KRT1: variants seen among roughly 807,000 people sequenced by gnomAD.
KRT1 encodes the protein keratin 1.
In KRT1, 28 loss-of-function variants were observed where a neutral mutation model predicts 51.6. The observed-to-expected ratio is 0.54, with a 90% CI of 0.40 to 0.74. The LOEUF (loss-of-function observed/expected upper bound fraction) is 0.74, where lower values mean the gene tolerates loss of function less well. Ranked by LOEUF, KRT1 falls within the 30% of genes least tolerant of loss-of-function variation. The pLI is 0.00. For missense variants in KRT1, 783 were observed against 815.5 expected, an observed-to-expected ratio of 0.96 and a Z score of 0.49; for synonymous variants, 301 against 307.7, an observed-to-expected ratio of 0.98 and a Z score of 0.23.
intron 2 of KRT1, 78 bp from the exon 3 acceptor site, chr12:52,678,301 T>G: frequency 1.4e-6 from 2 of 1,428,582 alleles, no homozygotes; most frequent in Non-Finnish European, 2.0e-6. Context: ...AAAGGTGGCA[T>G]TGCCTATCAC....
In KRT1 at chr12:52,675,050, G is replaced by T; in HGVS notation, c.*143C>A. ...ATTGGGAAACAGCAGAAAAGAAAGA[G>T]CTGGGGGAATAGGATGAGCTAGTGT... On this transcript the variant is annotated 3_prime_UTR_variant, in exon 9 of 9. Coordinates refer to ENST00000252244, the MANE Select transcript of KRT1 (RefSeq NM_006121.4). 1 of 1,098,264 alleles carries T rather than the reference G, an allele frequency of 9.1e-7. No individual in the cohort carries two copies. Among genetic ancestry groups the T allele is most frequent in the Non-Finnish European group, 1.4e-6 (1 of 715,010 alleles). The allele number at this position is 1,098,264 out of a possible 1,614,324, so 68.0% of individuals were successfully genotyped here.
At position 52,675,575 on chromosome 12, in the gene KRT1, C is replaced by G; in HGVS notation, c.1553G>C (p.Arg518Pro). 1 of 1,614,168 alleles carries G rather than the reference C, an allele frequency of 6.2e-7. No homozygotes were observed. Among genetic ancestry groups the G allele is most frequent in the South Asian group, 1.1e-5 (1 of 91,074 alleles). ...GCCGTAGCCACCGCCGCCACCTCCTCGGCTGCCACCTCCACTGATGGTGGT... is the reference window on the plus strand; with the variant it reads ...GCCGTAGCCACCGCCGCCACCTCCTGGGCTGCCACCTCCACTGATGGTGGT... ...SHTTISGGGS[R>P]GGGGGGYGSG... The change falls in exon 9 of 9, where the codon CGA becomes CCA. Residue 518 changes from arginine to proline, a missense_variant. Transcript: ENST00000252244.
Position 52,675,516 on chromosome 12 carries a change from T to A in KRT1, c.1612A>T (p.Ser538Cys). Residue 538 changes from serine to cysteine, a missense_variant, in exon 9 of 9, where the codon AGC (serine) becomes TGC (cysteine). Transcript: ENST00000252244. ...CCGCCGCCACCTCCAGAACCATAGC[T>A]ACCACCTCCGGAGCCATAGCTGCTA... ...GGSSYGSGGG[S>C]YGSGGGGGGG... is the part of the protein sequence containing the mutation. 6.2e-7 allele frequency: 1 copy of A among 1,604,368 alleles called. No individual in the cohort carries two copies.
At position 52,679,781 on chromosome 12, in the gene KRT1, G is replaced by A; in HGVS notation, c.568C>T (p.Gln190Ter). ...ACCTTGTCAATGAAGGAGGCAAATT[G>A]GTTGTTGAGTGACTTGATTTGCTCC... ...EREQIKSLNN[Q>*]FASFIDKVRF... The change falls in exon 1 of 9, where the codon CAA becomes TAA. Residue 190 changes from glutamine (Q) to a stop codon, truncating the protein, a stop_gained. Transcript: ENST00000252244. LOFTEE classifies it high-confidence loss of function. 1.2e-6 allele frequency: 2 copies of A among 1,614,138 alleles called. No individual in the cohort carries two copies. Among genetic ancestry groups the A allele is most frequent in the Non-Finnish European group, 1.7e-6 (2 of 1,180,004 alleles).
In KRT1 at chr12:52,679,875, G is replaced by T; in HGVS notation, c.474C>A (p.Asn158Lys). The T allele has an allele frequency of 6.2e-7, 1 of 1,614,080 alleles. No individual in the cohort carries two copies. Among genetic ancestry groups the T allele is most frequent in the Non-Finnish European group, 8.5e-7 (1 of 1,180,006 alleles). The stretch of plus-strand genomic sequence containing the variant: ...CATTGAGGGGCTGAAGAAGGCTCTG[G>T]TTGATAGTGACTTCTTGTATGCCAC... ...PPGGIQEVTI[N>K]QSLLQPLNVE... The change falls in exon 1 of 9, where the codon AAC (asparagine) becomes AAA (lysine). Residue 158 changes from asparagine to lysine, a missense_variant. Asn to Lys is a moderately conservative substitution (Grantham distance 94, BLOSUM62 0). Transcript: ENST00000252244.
Position 52,680,148 on chromosome 12 carries a change from A to G in KRT1, c.201T>C (p.Leu67=). The G allele has an allele frequency of 6.3e-7, 1 of 1,597,834 alleles. No individual in the cohort carries two copies. The highest frequency in any genetic ancestry group is 8.5e-7 in the Non-Finnish European group (1 of 1,172,012). Residue 67 remains leucine, a synonymous_variant, in exon 1 of 9, where the codon CTT becomes CTC. Transcript: ENST00000252244. ...GAGGGFGSRS[L]VNLGGSKSIS... is the part of the protein sequence containing the mutation. ...TGCTTTTACTGCCACCAAGGTTAAC[A>G]AGACTCCGACTTCCAAATCCACCAC... is the stretch of plus-strand genomic sequence containing the variant.
intron 7 of KRT1, 98 bp from the exon 8 acceptor site, chr12:52,675,842 G>A (rs185897283): frequency 8.6e-5 from 119 of 1,391,094 alleles, no homozygotes; most frequent in Admixed American, 3.8e-4. Flanking sequence ...CCCCATCTGG[G>A]TCTTCTCCAA....
rs1156380980 is a variant in KRT1, at chr12:52,677,312, T to A, written c.1128+4A>T. 4 of 1,614,106 alleles carry A rather than the reference T, an allele frequency of 2.5e-6. No individual in the cohort carries two copies. Among genetic ancestry groups the A allele is most frequent in the Non-Finnish European group, 3.4e-6 (4 of 1,180,052 alleles). On this transcript the variant is annotated splice_donor_region_variant and intron_variant, in intron 5 of 8. Coordinates refer to ENST00000252244, the MANE Select transcript of KRT1 (RefSeq NM_006121.4). ...GAAACTGGCTAGGCTTTCAGCCCAC[T>A]CACCTTGCTCTGGTACAAGGACTCG...
chr12:52,678,055 G>C (rs1190258710), intron 3 of KRT1, 108 bp downstream of exon 3: 2 of 1,047,968 alleles, frequency 1.9e-6, no homozygotes, highest in African/African-American at 3.1e-5. Flanking sequence ...ATACTCCCCA[G>C]GTCTACTACC....
chr12:52,675,743 T>C lies in KRT1; in HGVS notation c.1477A>G (p.Met493Val). Residue 493 changes from methionine to valine, a missense_variant and splice_region_variant, in exon 8 of 9, where the codon ATG becomes GTG. Transcript: ENST00000252244. ...ACGTTCGGGGCACATTCTCCAGACA[T>C]CCTGTAGGAGAAAATAAGAAAATTC... ...RTLLEGEESRMSGECAPNVSV... is the reference protein window; with the variant it reads ...RTLLEGEESRVSGECAPNVSV... 1.2e-6 allele frequency: 2 copies of C among 1,614,152 alleles called. No individual in the cohort carries two copies. Among genetic ancestry groups the C allele is most frequent in the Non-Finnish European group, 8.5e-7 (1 of 1,180,044 alleles).
At position 52,680,146 on chromosome 12, in the gene KRT1, A is replaced by T. The variant is rs774379558; in HGVS notation, c.203T>A (p.Val68Asp). The part of the protein sequence containing the change: ...AGGGFGSRSL[V>D]NLGGSKSISI... ...GATGCTTTTACTGCCACCAAGGTTA[A>T]CAAGACTCCGACTTCCAAATCCACC... The change falls in exon 1 of 9, where the codon GTT (valine) becomes GAT (aspartate). Residue 68 changes from valine (V) to aspartate (D), a missense_variant. Val to Asp is a radical substitution (Grantham distance 152). Transcript: ENST00000252244. 1 of 1,595,496 alleles carries T rather than the reference A, an allele frequency of 6.3e-7. No individual in the cohort carries two copies. Among genetic ancestry groups the T allele is most frequent in the East Asian group, 2.3e-5 (1 of 43,836 alleles).
Position 52,678,015 on chromosome 12 carries a change from T to C in KRT1, c.867+148A>G, listed in dbSNP as rs187528273. 2.3e-5 allele frequency: 18 copies of C among 792,412 alleles called. No individual in the cohort carries two copies. In the African/African-American group the frequency reaches 2.4e-4, roughly 10 times the overall value. 49.1% of individuals were successfully genotyped at this position (792,412 alleles called of 1,614,324 possible). Reference sequence around the variant, plus strand: ...AAGTGCCTGGATCAGTCCAGGTCCATGATGATGTGAAAATATAGCCCCACT... The same window carrying C: ...AAGTGCCTGGATCAGTCCAGGTCCACGATGATGTGAAAATATAGCCCCACT... On this transcript the variant is annotated intron_variant, in intron 3 of 8. Transcript: ENST00000252244.
intron 4 of KRT1, 55 bp from the exon 5 acceptor site, chr12:52,677,535 A>C (rs1168275201): frequency 1.9e-6 from 3 of 1,610,550 alleles, no homozygotes; most frequent in Non-Finnish European, 2.5e-6. Flanking sequence ...AAAACAACTT[A>C]GACAGAGAAA....
At position 52,676,489 on chromosome 12, in the gene KRT1, T is replaced by C. The variant is rs1312912801; in HGVS notation, c.1261A>G (p.Asn421Asp). Residue 421 changes from asparagine (N) to aspartate (D), a missense_variant, in exon 7 of 9, where the codon AAC becomes GAC. Physicochemically the swap from Asn to Asp is conservative, Grantham distance 23. Coordinates refer to ENST00000252244, the MANE Select transcript of KRT1 (RefSeq NM_006121.4). ...GCATCACTGATGGACTGCTGCAAGT[T>C]GGAGATCTGAAAAAGAATATGACAC... ...EIDNVKKQIS[N>D]LQQSISDAEQ... 1 of 1,614,180 alleles carries C rather than the reference T, an allele frequency of 6.2e-7. No individual in the cohort carries two copies. Among genetic ancestry groups the C allele is most frequent in the Admixed American group, 1.7e-5 (1 of 60,018 alleles).
rs562141868 is a variant in KRT1, at chr12:52,675,557, C to G, written c.1571G>C (p.Gly524Ala). ...ATAGCTGCTACCTCCAGAGCCGTAG[C>G]CACCGCCGCCACCTCCTCGGCTGCC... The part of the protein sequence containing the change: ...GGGSRGGGGG[G>A]YGSGGSSYGS... Residue 524 changes from glycine (G) to alanine (A), a missense_variant, in exon 9 of 9, where the codon GGC (glycine) becomes GCC (alanine). Coordinates refer to ENST00000252244, the MANE Select transcript of KRT1 (RefSeq NM_006121.4). 6.2e-7 allele frequency: 1 copy of G among 1,613,946 alleles called. No homozygotes were observed. Among genetic ancestry groups the G allele is most frequent in the South Asian group, 1.1e-5 (1 of 91,064 alleles).
In KRT1 at chr12:52,677,764, T is replaced by C; in HGVS notation, c.868-19A>G. On this transcript the variant is annotated intron_variant, in intron 3 of 8. Transcript: ENST00000252244. ...CCACATCCTAGAGGAACAAGGGACA[T>C]CATGAAGGCACATTCTCTCCAGGGC... 1.2e-6 allele frequency: 2 copies of C among 1,605,096 alleles called. No homozygotes were observed. Among genetic ancestry groups the C allele is most frequent in the Non-Finnish European group, 1.7e-6 (2 of 1,171,800 alleles).
Position 52,676,456 on chromosome 12 carries a change from G to A in KRT1, c.1294C>T (p.Arg432Cys), listed in dbSNP as rs142781300. Residue 432 changes from arginine (R) to cysteine (C), a missense_variant, in exon 7 of 9, where the codon CGT becomes TGT. Transcript: ENST00000252244. ...LQQSISDAEQRGENALKDAKN... is the reference protein window; with the variant it reads ...LQQSISDAEQCGENALKDAKN... ...GCATCCTTGAGGGCATTCTCGCCACGCTGCTCTGCATCACTGATGGACTGC... is the reference window on the plus strand; with the variant it reads ...GCATCCTTGAGGGCATTCTCGCCACACTGCTCTGCATCACTGATGGACTGC... 1,134 of 1,614,170 alleles carry A rather than the reference G, an allele frequency of 7.0e-4. 1 individual carries two copies. Among genetic ancestry groups the A allele is most frequent in the South Asian group, 1.2e-3 (112 of 91,080 alleles).
At chr12:52,679,722 C>A in intron 1 of KRT1, 36 bp downstream of exon 1, 2 of 1,575,348 alleles carry the variant, frequency 1.3e-6, no homozygotes, top group South Asian at 2.2e-5. Context: ...AGTGGACCAG[C>A]GGCAGCCCTA....
chr12:52,679,894 A>G lies in KRT1; in HGVS notation c.455T>C (p.Ile152Thr). 1 of 1,613,990 alleles carries G rather than the reference A, an allele frequency of 6.2e-7. No homozygotes were observed. The highest frequency in any genetic ancestry group is 8.5e-7 in the Non-Finnish European group (1 of 1,179,968). Residue 152 changes from isoleucine (I) to threonine (T), a missense_variant, in exon 1 of 9, where the codon ATA (isoleucine) becomes ACA (threonine). Ile to Thr is a moderately conservative substitution (Grantham distance 89, BLOSUM62 -1). Coordinates refer to ENST00000252244, the MANE Select transcript of KRT1 (RefSeq NM_006121.4). ...GYGPVCPPGG[I>T]QEVTINQSLL... is the part of the protein sequence containing the mutation. ...GCTCTGGTTGATAGTGACTTCTTGT[A>G]TGCCACCAGGAGGGCAGACAGGACC...
Sources: gnomAD v4.1 joint callset for allele counts on GRCh38, gnomAD v4.1.1 for gene constraint, MANE v1.5 for transcripts, NCBI Gene and HGNC (gene_info 2026-07-23, HGNC 2026-07-21) for gene names.